SGPP2: variants seen among roughly 807,000 people sequenced by gnomAD.
SGPP2 encodes sphingosine-1-phosphate phosphatase 2.
In SGPP2, 30 loss-of-function variants were observed where a neutral mutation model predicts 33.9. That is an observed-to-expected ratio of 0.89 (90% CI 0.66 to 1.20). The LOEUF (loss-of-function observed/expected upper bound fraction) is 1.20, where lower values mean the gene tolerates loss of function less well. SGPP2 is among the 50% of genes most tolerant of loss of function. The pLI is 0.00. For missense variants in SGPP2, 458 were observed against 532.1 expected (o/e 0.86, Z 1.37); for synonymous variants, 233 against 225.0 (o/e 1.04, Z -0.32).
upstream of SGPP2, chr2:222,424,526 G>A: frequency 9.7e-7 from 1 of 1,035,188 alleles, no homozygotes; most frequent in African/African-American, 1.7e-5. Flanking sequence ...CGGCGGGGGC[G>A]AGGCGGGAGT....
chr2:222,517,813 C>T (rs951330656), intron 2 of SGPP2, among the ~76,000 whole-genome samples: 4 of 152,152 alleles, frequency 2.6e-5, no homozygotes, highest in South Asian at 2.1e-4. Flanking sequence ...GCCAAACAGA[C>T]GAGCCACACC....
chr2:222,459,021 C>G (rs1697615506), intron 1 of SGPP2, among the ~76,000 whole-genome samples: 1 of 152,048 alleles, frequency 6.6e-6, no homozygotes, highest in Admixed American at 6.6e-5. Flanking sequence ...ACTCTGGAAC[C>G]TGGTTAAAAT....
chr2:222,425,098 T>C (rs1202390025), intron 1 of SGPP2, among the ~76,000 whole-genome samples: 1 of 152,238 alleles, frequency 6.6e-6, no homozygotes, highest in Non-Finnish European at 1.5e-5. Flanking sequence ...AGTAGTTAAA[T>C]TCACGTAGAT....
intron 1 of SGPP2, 96 bp from the exon 2 acceptor site, chr2:222,474,472 C>T (rs536356914): frequency 4.8e-5 from 51 of 1,060,486 alleles, no homozygotes; most frequent in Non-Finnish European, 6.5e-5. Context: ...GAGGAGACAG[C>T]GTCTTGGCAA....
At chr2:222,424,214 T>TG (rs538964640), upstream of SGPP2, among the ~76,000 whole-genome samples, 152 of 134,194 alleles carry the variant, frequency 1.1e-3, 1 homozygote, top group African/African-American at 4.1e-3. Context: ...CGGCCGCAGG[T>TG]GCACGCGCGC....
chr2:222,424,054 T>C (rs138913700), upstream of SGPP2, among the ~76,000 whole-genome samples: 285 of 152,260 alleles, frequency 1.9e-3, no homozygotes, highest in Middle Eastern at 0.01. Context: ...TCGCTGTATT[T>C]ACTGGGAACT....
intron 1 of SGPP2, among the ~76,000 whole-genome samples, chr2:222,445,132 A>G (rs1001606894): frequency 9.9e-5 from 15 of 152,162 alleles, no homozygotes; most frequent in Non-Finnish European, 2.2e-4. Context: ...GTGTAAGGTG[A>G]AGATAGTAAC....
chr2:222,506,225 C>T (rs960113682), intron 2 of SGPP2, among the ~76,000 whole-genome samples: 12 of 152,286 alleles, frequency 7.9e-5, no homozygotes, highest in African/African-American at 2.6e-4. Context: ...AATTACATCA[C>T]AGTAAAAAGT....
chr2:222,554,565 C>T (rs1005442889), intron 4 of SGPP2, among the ~76,000 whole-genome samples: 6 of 152,202 alleles, frequency 3.9e-5, no homozygotes, highest in African/African-American at 1.4e-4. Context: ...ACAGGCTCCT[C>T]CCCATAAATG....
At chr2:222,497,745 T>G (rs751371222) in intron 2 of SGPP2, among the ~76,000 whole-genome samples, 5 of 152,206 alleles carry the variant, frequency 3.3e-5, no homozygotes, top group Admixed American at 6.5e-5. Flanking sequence ...GGGGTTCACA[T>G]GCAGGCAAAA....
chr2:222,463,450 TA>T (rs201275878), intron 1 of SGPP2, among the ~76,000 whole-genome samples: 2 of 151,904 alleles, frequency 1.3e-5, no homozygotes, highest in Admixed American at 6.6e-5. Context: ...CTACAAAATA[TA>T]AAAAAAATAG....
intron 2 of SGPP2, among the ~76,000 whole-genome samples, chr2:222,480,127 G>T (rs563549165): frequency 1.1e-4 from 16 of 152,132 alleles, no homozygotes; most frequent in Non-Finnish European, 1.5e-5. Flanking sequence ...TTTTGGCATG[G>T]TGACAGACCT....
intron 1 of SGPP2, among the ~76,000 whole-genome samples, chr2:222,444,680 A>T (rs1481709598): frequency 6.6e-6 from 1 of 152,202 alleles, no homozygotes; most frequent in Non-Finnish European, 1.5e-5. Flanking sequence ...CCCATAAGAA[A>T]ACACCAAACC....
intron 1 of SGPP2, among the ~76,000 whole-genome samples, chr2:222,450,513 T>C (rs1447627828): frequency 1.3e-5 from 2 of 152,168 alleles, no homozygotes; most frequent in Non-Finnish European, 2.9e-5. Context: ...GATGAAACAA[T>C]TGTTACCCTC....
intron 1 of SGPP2, among the ~76,000 whole-genome samples, chr2:222,450,192 AC>A (rs1459647986): frequency 1.3e-5 from 2 of 152,092 alleles, no homozygotes; most frequent in Non-Finnish European, 2.9e-5. Context: ...CTGTTCCAGC[AC>A]CCCACGTTAT....
At chr2:222,432,157 A>G (rs917098809) in intron 1 of SGPP2, among the ~76,000 whole-genome samples, 3 of 152,226 alleles carry the variant, frequency 2.0e-5, no homozygotes, top group Admixed American at 6.5e-5. Context: ...AAGGGATCTC[A>G]GGCTGTCTCT....
rs534422010 is a variant in SGPP2, at chr2:222,496,544, GC to G, written c.378+21819del. Among the ~76,000 whole-genome samples, 630 of 152,256 alleles carry G rather than the reference GC, an allele frequency of 4.1e-3. 1 individual carries two copies. Among genetic ancestry groups the G allele is most frequent in the African/African-American group, 0.014 (596 of 41,540 alleles). ...CAGCATTTAGTGATCTATCTCAAAT[GC>G]AGATGTGAACTTTTAAAAACATGTA... On this transcript the variant is annotated intron_variant, in intron 2 of 4. Transcript: ENST00000321276.
At chr2:222,466,828 A>C (rs1697753520) in intron 1 of SGPP2, among the ~76,000 whole-genome samples, 1 of 152,196 alleles carries the variant, frequency 6.6e-6, no homozygotes, top group South Asian at 2.1e-4. Flanking sequence ...TTCTTTCTGC[A>C]TCATCAGTCA....
intron 4 of SGPP2, among the ~76,000 whole-genome samples, chr2:222,535,700 G>A (rs543913360): frequency 6.6e-6 from 1 of 152,348 alleles, no homozygotes; most frequent in South Asian, 2.1e-4. Context: ...CTGGCACCTC[G>A]GAGGCTGCTT....
Sources: gnomAD v4.1 joint callset for allele counts (sites outside exome capture counted in the v4.1 genomes callset) on GRCh38, gnomAD v4.1.1 for gene constraint, MANE v1.5 for transcripts, NCBI Gene and HGNC (gene_info 2026-07-23, HGNC 2026-07-21) for gene names.